The following ATG7 variants were observed in gnomAD, a reference collection of about 807,000 sequenced individuals.
The protein encoded by ATG7 is ubiquitin-like modifier-activating enzyme ATG7.
A neutral mutation model predicts 82.4 loss-of-function variants in ATG7; 70 were observed. That is an observed-to-expected ratio of 0.85 (90% CI 0.70 to 1.04). ATG7 has a LOEUF of 1.04. ATG7 is among the 50% of genes least tolerant of loss of function. The probability of loss-of-function intolerance (pLI) is 0.00; values close to 1 mark genes in which losing one functional copy is unlikely to be tolerated. For synonymous variants in ATG7, 287 were observed against 313.0 expected (o/e 0.92, Z 0.88); for missense variants, 792 against 864.3 (o/e 0.92, Z 1.05).
chr3:11,337,575 C>G (rs1269435779), intron 11 of ATG7, among the ~76,000 whole-genome samples: 1 of 151,584 alleles, frequency 6.6e-6, no homozygotes, highest in African/African-American at 2.4e-5. Context: ...ATACTATTGC[C>G]ATATGTGTTA....
chr3:11,488,318 C>T (rs1337511521), intron 20 of ATG7: 24 of 318,616 alleles, frequency 7.5e-5, no homozygotes, highest in African/African-American at 3.5e-4. Flanking sequence ...CCTCGGGCCC[C>T]GCGGGGTCCG....
At chr3:11,427,921 C>A (rs1327628153) in intron 20 of ATG7, among the ~76,000 whole-genome samples, 1 of 152,106 alleles carries the variant, frequency 6.6e-6, no homozygotes, top group Non-Finnish European at 1.5e-5. Flanking sequence ...GCAAAATGTG[C>A]AATTCCTCAG....
chr3:11,390,003 C>T (rs780142066), intron 19 of ATG7, among the ~76,000 whole-genome samples: 3 of 152,176 alleles, frequency 2.0e-5, no homozygotes, highest in Non-Finnish European at 2.9e-5. Context: ...TATATGTCAG[C>T]TCTTCCACAA....
At chr3:11,427,334 T>G (rs1159744314) in intron 20 of ATG7, among the ~76,000 whole-genome samples, 18 of 152,140 alleles carry the variant, frequency 1.2e-4, no homozygotes, top group Admixed American at 1.1e-3. Flanking sequence ...GCCATGTTCT[T>G]CAGAAAGAAC....
intron 20 of ATG7, among the ~76,000 whole-genome samples, chr3:11,535,681 T>C (rs898975128): frequency 2.0e-5 from 3 of 152,106 alleles, no homozygotes; most frequent in African/African-American, 7.2e-5. Context: ...CCCTCTCTCT[T>C]TTCAACCAGG....
intron 20 of ATG7, among the ~76,000 whole-genome samples, chr3:11,506,576 AAAAAAAAAC>A (rs1387293768): frequency 0.046 from 625 of 13,724 alleles, 36 homozygotes; most frequent in East Asian, 0.23. Context: ...AAAAAAAAAA[AAAAAAAAAC>A]CCAAAAATTA....
At chr3:11,508,107 G>A (rs374172828) in intron 20 of ATG7, among the ~76,000 whole-genome samples, 1 of 151,906 alleles carries the variant, frequency 6.6e-6, no homozygotes, top group African/African-American at 2.4e-5. Context: ...TTTCAAAAAT[G>A]TGCTGTTTAC....
chr3:11,559,841 C>G (rs1013139659), downstream of ATG7, among the ~76,000 whole-genome samples: 4 of 152,214 alleles, frequency 2.6e-5, no homozygotes, highest in African/African-American at 9.7e-5. Flanking sequence ...ATCATGTCCA[C>G]TGAGCCGCGG....
the ATG7 span, among the ~76,000 whole-genome samples, chr3:11,574,783 ATATGTGTGTGTGTGTGTGTGTGTGTG>A: frequency 1.1e-4 from 12 of 111,782 alleles, no homozygotes; most frequent in African/African-American, 2.6e-4. Context: ...ATTCAACTAT[ATATGTGTGTGTGTGTGTGTGTGTGTG>A]TGTGTGTGTG....
chr3:11,332,152 G>T (rs1343737243), intron 10 of ATG7, among the ~76,000 whole-genome samples: 1 of 149,398 alleles, frequency 6.7e-6, no homozygotes, highest in Admixed American at 6.8e-5. Context: ...ATAATGAAAT[G>T]AATAATAAAT....
intron 1 of ATG7, among the ~76,000 whole-genome samples, chr3:11,274,614 C>T (rs1403757007): frequency 3.9e-5 from 6 of 152,152 alleles, no homozygotes; most frequent in African/African-American, 7.2e-5. Flanking sequence ...TCGTGAAGGG[C>T]CCTGTGGACA....
chr3:11,307,177 A>C, intron 6 of ATG7, 117 bp downstream of exon 6: 1 of 908,128 alleles, frequency 1.1e-6, no homozygotes, highest in Non-Finnish European at 1.8e-6. Flanking sequence ...GAACTTAAAG[A>C]CACTTGTGGG....
chr3:11,272,873 A>G (rs1940791078), intron 1 of ATG7, among the ~76,000 whole-genome samples: 1 of 152,194 alleles, frequency 6.6e-6, no homozygotes, highest in African/African-American at 2.4e-5. Context: ...TGTTTAAGTG[A>G]GGAGGTTAAA....
chr3:11,519,227 G>GT (rs2092367406), intron 20 of ATG7, among the ~76,000 whole-genome samples: 1 of 152,062 alleles, frequency 6.6e-6, no homozygotes, highest in Non-Finnish European at 1.5e-5. Context: ...ATACCAATGA[G>GT]TTTCCTGAAA....
At chr3:11,279,138 C>G (rs1390234141) in intron 1 of ATG7, among the ~76,000 whole-genome samples, 2 of 152,188 alleles carry the variant, frequency 1.3e-5, no homozygotes, top group Non-Finnish European at 2.9e-5. Context: ...ATCTAACCCT[C>G]CCTTTCTCAA....
chr3:11,426,763 A>C, intron 19 of ATG7, 41 bp from the exon 20 acceptor site: 1 of 1,509,406 alleles, frequency 6.6e-7, no homozygotes, highest in Non-Finnish European at 8.9e-7. Context: ...TTGCATTTTA[A>C]GTCTGGAGAC....
At chr3:11,446,388 G>A (rs1310934106) in intron 20 of ATG7, 3 of 298,982 alleles carry the variant, frequency 1.0e-5, no homozygotes, top group Non-Finnish European at 1.9e-5. Context: ...CTCTTTATTT[G>A]TAAGACTATA....
the ATG7 span, chr3:11,568,782 A>G: frequency 1.0e-5 from 15 of 1,473,208 alleles, no homozygotes; most frequent in Non-Finnish European, 1.3e-5. This position sits in a 1 kb window ranked among gnomAD's most constrained non-coding sequence, Gnocchi z 5.9. Flanking sequence ...GCTCCTGGTC[A>G]GGACTGTGCC....
intron 19 of ATG7, among the ~76,000 whole-genome samples, chr3:11,426,525 C>A (rs17034425): frequency 0.048 from 7,342 of 152,176 alleles, 609 homozygotes; most frequent in African/African-American, 0.17. Context: ...CCACTAACTA[C>A]TCCTAACTTT....
Sources: gnomAD v4.1 joint callset for allele counts (sites outside exome capture counted in the v4.1 genomes callset) on GRCh38, gnomAD v4.1.1 for gene constraint, Gnocchi (gnomAD v3.1) non-coding constraint, MANE v1.5 for transcripts, NCBI Gene and HGNC (gene_info 2026-07-23, HGNC 2026-07-21) for gene names.